RYR2: variants seen among roughly 807,000 people sequenced by gnomAD.
The protein encoded by RYR2 is cardiac muscle ryanodine receptor-calcium release channel.
In RYR2, 227 loss-of-function variants were observed where a neutral mutation model predicts 601.1. That is an observed-to-expected ratio of 0.38 (90% CI 0.34 to 0.42). RYR2 has a LOEUF of 0.42. RYR2 is among the 10% of genes least tolerant of loss of function. The probability of loss-of-function intolerance (pLI) is 1.00; values close to 1 mark genes in which losing one functional copy is unlikely to be tolerated. For missense variants in RYR2, 4,646 were observed against 6,156.5 expected (o/e 0.75, Z 8.21); for synonymous variants, 2,223 against 2,175.1 (o/e 1.02, Z -0.61).
chr1:237,591,778 C>T lies in RYR2; in HGVS notation c.4200C>T (p.Ser1400=). ...LRRTKPDYST[S]HSARLTEDVL... is the part of the protein sequence containing the mutation. Reference sequence around the variant, plus strand: ...GAACAAAGCCAGATTACAGCACAAGCCATTCTGCAAGACTCACCGAAGATG... The same window carrying T: ...GAACAAAGCCAGATTACAGCACAAGTCATTCTGCAAGACTCACCGAAGATG... The change falls in exon 32 of 105, where the codon AGC becomes AGT. Residue 1400 remains serine (S), a synonymous_variant. Transcript: ENST00000366574. The T allele has an allele frequency of 6.2e-7, 1 of 1,613,644 alleles. No individual in the cohort carries two copies. The highest frequency in any genetic ancestry group is 8.5e-7 in the Non-Finnish European group (1 of 1,179,762).
intron 1 of RYR2, among the ~76,000 whole-genome samples, chr1:237,124,838 C>A (rs1417397557): frequency 5.3e-5 from 8 of 152,132 alleles, no homozygotes; most frequent in Non-Finnish European, 1.2e-4. Context: ...CCACCTTTTC[C>A]CCCTGGCAAG....
intron 62 of RYR2, among the ~76,000 whole-genome samples, chr1:237,684,770 C>CATATATATATAT (rs796412616): frequency 1.6e-3 from 58 of 35,964 alleles, no homozygotes; most frequent in African/African-American, 4.1e-3. Flanking sequence ...ATTATCTGAA[C>CATATATATATAT]ACATATATAT....
intron 41 of RYR2, among the ~76,000 whole-genome samples, chr1:237,629,345 C>T (rs188972248): frequency 6.6e-6 from 1 of 151,726 alleles, no homozygotes; most frequent in Non-Finnish European, 1.5e-5. Context: ...CGCAGGAAAT[C>T]TGTATTTGCA....
chr1:237,149,307 A>AAAAACT (rs1674428811), intron 1 of RYR2, among the ~76,000 whole-genome samples: 1 of 151,934 alleles, frequency 6.6e-6, no homozygotes. Flanking sequence ...AAAAACAAAC[A>AAAAACT]AAAACAAAAA....
chr1:237,616,423 A>C (rs905007986), intron 37 of RYR2, among the ~76,000 whole-genome samples: 1 of 152,152 alleles, frequency 6.6e-6, no homozygotes, highest in South Asian at 2.1e-4. Flanking sequence ...TAATTGTCTT[A>C]AGTTTAGATT....
chr1:237,462,929 C>T (rs973381381), intron 16 of RYR2, among the ~76,000 whole-genome samples: 1 of 152,038 alleles, frequency 6.6e-6, no homozygotes, highest in Admixed American at 6.6e-5. Flanking sequence ...TCTCATTGTC[C>T]CTTACTCTTG....
Position 237,732,081 on chromosome 1 carries a change from C to T in RYR2, c.10971C>T (p.Gly3657=), listed in dbSNP as rs1461351823. 1 of 1,610,732 alleles carries T rather than the reference C, an allele frequency of 6.2e-7. No individual in the cohort carries two copies. Among genetic ancestry groups the T allele is most frequent in the East Asian group, 2.2e-5 (1 of 44,798 alleles). Residue 3657 remains glycine, a synonymous_variant, in exon 78 of 105, where the codon GGC becomes GGT. Coordinates refer to ENST00000366574, the MANE Select transcript of RYR2 (RefSeq NM_001035.3). ...PGAEPPEEDE[G]TKRVDPLHQL... ...CTGAACCTCCAGAAGAAGATGAAGG[C>T]ACTAAGAGAGTTGATCCTCTACATC...
intron 1 of RYR2, among the ~76,000 whole-genome samples, chr1:237,231,518 G>T (rs560043646): frequency 1.5e-4 from 23 of 152,298 alleles, no homozygotes; most frequent in Non-Finnish European, 2.1e-4. Context: ...AGCATTAGCA[G>T]TAGAGGGTAG....
rs916656665 is a variant in RYR2 at position 237,627,718 on chromosome 1, T to C, written c.6167-89T>C. 8 of 1,311,282 alleles carry C rather than the reference T, an allele frequency of 6.1e-6. No homozygotes were observed. In the Admixed American group the frequency reaches 1.9e-4, roughly 31 times the overall value. 81.2% of individuals were successfully genotyped at this position (1,311,282 alleles called of 1,614,324 possible). On this transcript the variant is annotated intron_variant, in intron 40 of 104. Coordinates refer to ENST00000366574, the MANE Select transcript of RYR2 (RefSeq NM_001035.3). ...AGCCTGGTACAAATAGAAATACCAA[T>C]TTGGGGGTACAGGATATGGACTTGA... is the stretch of plus-strand genomic sequence containing the variant.
chr1:237,368,249 A>G (rs1700358011), intron 5 of RYR2, among the ~76,000 whole-genome samples: 1 of 152,248 alleles, frequency 6.6e-6, no homozygotes, highest in Non-Finnish European at 1.5e-5. Flanking sequence ...ATTAAATTAT[A>G]ACATCAATAC....
chr1:237,391,511 CT>C (rs931433581), intron 10 of RYR2, among the ~76,000 whole-genome samples: 6 of 152,070 alleles, frequency 3.9e-5, no homozygotes, highest in African/African-American at 1.2e-4. Flanking sequence ...ATAGTGGAAA[CT>C]ATTAAGGAGA....
chr1:237,795,920 GCGTA>G (rs1659147905), intron 96 of RYR2, among the ~76,000 whole-genome samples: 1 of 39,420 alleles, frequency 2.5e-5, no homozygotes, highest in Non-Finnish European at 8.2e-5. Flanking sequence ...ACATATGCAC[GCGTA>G]TGTGTGTACA....
intron 92 of RYR2, among the ~76,000 whole-genome samples, chr1:237,789,439 T>C (rs1240941024): frequency 7.1e-6 from 1 of 139,996 alleles, no homozygotes; most frequent in Non-Finnish European, 1.6e-5. Flanking sequence ...CAGAGTTCAC[T>C]GAACAGAAAT....
At chr1:237,751,903 A>G (rs909884039) in intron 80 of RYR2, among the ~76,000 whole-genome samples, 2 of 152,242 alleles carry the variant, frequency 1.3e-5, no homozygotes, top group South Asian at 2.1e-4. Context: ...TATTATTTGT[A>G]TATGTATAAT....
At chr1:237,530,190 A>T (rs1420309621) in intron 24 of RYR2, among the ~76,000 whole-genome samples, 1 of 152,046 alleles carries the variant, frequency 6.6e-6, no homozygotes, top group Non-Finnish European at 1.5e-5. Context: ...GGGCACCTGT[A>T]GTCCTGGCTA....
At chr1:237,309,470 AGCTAGACACAGGGT>A (rs1203349594) in intron 2 of RYR2, among the ~76,000 whole-genome samples, 2 of 152,240 alleles carry the variant, frequency 1.3e-5, no homozygotes, top group Non-Finnish European at 2.9e-5. Context: ...ACAAACCTTG[AGCTAGACACAGGGT>A]GCTGATTGGT....
intron 12 of RYR2, among the ~76,000 whole-genome samples, chr1:237,427,782 C>CAAAAAAAAAAAA (rs57614793): frequency 1.8e-5 from 1 of 56,194 alleles, no homozygotes; most frequent in Non-Finnish European, 3.1e-5. Context: ...GACTCTGCCT[C>CAAAAAAAAAAAA]AAAAAAAAAA....
chr1:237,393,288 A>G (rs1702542818), intron 10 of RYR2, among the ~76,000 whole-genome samples: 1 of 152,224 alleles, frequency 6.6e-6, no homozygotes, highest in Non-Finnish European at 1.5e-5. Flanking sequence ...GCTTCCCAAA[A>G]TGTGACTCAG....
At chr1:237,162,550 T>C (rs1316442193) in intron 1 of RYR2, among the ~76,000 whole-genome samples, 2 of 152,068 alleles carry the variant, frequency 1.3e-5, no homozygotes, top group African/African-American at 4.8e-5. Context: ...CAACATAAAG[T>C]TGGAAACTTT....
Sources: allele counts gnomAD v4.1 joint callset (sites outside exome capture counted in the v4.1 genomes callset), GRCh38; gene constraint gnomAD v4.1.1; transcripts MANE v1.5; gene names NCBI Gene and HGNC (gene_info 2026-07-23, HGNC 2026-07-21).